The following CLDN14 variants were observed in gnomAD, a reference collection of about 807,000 sequenced individuals.
The protein encoded by CLDN14 is claudin 14, also known as claudin-14.
A neutral mutation model predicts 2.1 loss-of-function variants in CLDN14; 2 were observed. The ratio of observed to expected loss-of-function variants is 0.96; its 90% CI spans 0.39 to 3.01. The LOEUF is 3.01. CLDN14 is among the 30% of genes most tolerant of loss of function. CLDN14 has a pLI of 0.09. For missense variants in CLDN14, 298 were observed against 328.0 expected, an observed-to-expected ratio of 0.91 and a Z score of 0.71; for synonymous variants, 136 against 154.4, an observed-to-expected ratio of 0.88 and a Z score of 0.88.
intron 1 of CLDN14, among the ~76,000 whole-genome samples, chr21:36,511,539 T>A (rs1031282170): frequency 2.0e-5 from 3 of 152,146 alleles, no homozygotes; most frequent in Admixed American, 6.5e-5. Context: ...CTAATTTCAG[T>A]CTCATTCCTA....
intron 2 of CLDN14, among the ~76,000 whole-genome samples, chr21:36,492,440 C>CTCAAA (rs2086977036): frequency 1.5e-5 from 1 of 67,930 alleles, no homozygotes; most frequent in African/African-American, 6.7e-5. Flanking sequence ...GACTCCGTCC[C>CTCAAA]AAAAAAAAAA....
intron 2 of CLDN14, among the ~76,000 whole-genome samples, chr21:36,489,158 GGAGA>G (rs369533067): frequency 1.5e-4 from 12 of 80,212 alleles, no homozygotes; most frequent in Non-Finnish European, 2.1e-4. Flanking sequence ...ATATATATAT[GGAGA>G]GAGAGAGAGA....
intron 1 of CLDN14, among the ~76,000 whole-genome samples, chr21:36,535,072 T>C (rs746550147): frequency 2.0e-5 from 3 of 152,196 alleles, no homozygotes; most frequent in Non-Finnish European, 4.4e-5. Flanking sequence ...ATTGATTCAA[T>C]AGAAAATCAT....
intron 2 of CLDN14, among the ~76,000 whole-genome samples, chr21:36,506,148 A>G (rs1037979801): frequency 1.3e-5 from 2 of 152,284 alleles, no homozygotes; most frequent in South Asian, 2.1e-4. Context: ...GAGATTAGTT[A>G]CATAACTACG....
Position 36,544,034 on chromosome 21 carries a change from G to T in CLDN14, c.-220+32377C>A, listed in dbSNP as rs2087510668. ...CTGTGTCATGGATTCAACCGTCTGT[G>T]CTGAGCCGCACCTGCACTGGCTGAA... On this transcript the variant is annotated intron_variant, in intron 1 of 2. Coordinates refer to the CLDN14 transcript ENST00000342108. The surrounding 1 kb of genome is among the most constrained non-coding windows in gnomAD (Gnocchi z 4.1). Among the ~76,000 whole-genome samples the T allele has an allele frequency of 6.6e-6, 1 of 152,352 alleles. No individual in the cohort carries two copies. Among genetic ancestry groups the T allele is most frequent in the South Asian group, 2.1e-4 (1 of 4,828 alleles).
chr21:36,538,882 A>G (rs2087454844), intron 1 of CLDN14, among the ~76,000 whole-genome samples: 1 of 152,140 alleles, frequency 6.6e-6, no homozygotes, highest in African/African-American at 2.4e-5. Context: ...GCATAGGGAG[A>G]CCTGTACGAG....
At chr21:36,566,420 T>C (rs1306122063) in intron 1 of CLDN14, among the ~76,000 whole-genome samples, 1 of 152,210 alleles carries the variant, frequency 6.6e-6, no homozygotes, top group Non-Finnish European at 1.5e-5. Flanking sequence ...CCCAGCCCTA[T>C]GAATGCAAAT....
chr21:36,471,382 G>A (rs909506854), intron 1 of CLDN14, among the ~76,000 whole-genome samples: 3 of 152,216 alleles, frequency 2.0e-5, no homozygotes, highest in African/African-American at 7.2e-5. Context: ...AAGCCATATA[G>A]TAATCAAATG....
At chr21:36,482,310 G>C (rs995060437), upstream of CLDN14, among the ~76,000 whole-genome samples, 1 of 151,762 alleles carries the variant, frequency 6.6e-6, no homozygotes, top group African/African-American at 2.4e-5. Context: ...TATGATGGAA[G>C]TTAGTCAATG....
chr21:36,474,993 C>A (rs542235689), intron 1 of CLDN14, among the ~76,000 whole-genome samples: 1 of 152,082 alleles, frequency 6.6e-6, no homozygotes, highest in Non-Finnish European at 1.5e-5. Flanking sequence ...GGAGGAGGTG[C>A]GGGAGGCTTG....
chr21:36,480,749 C>T (rs1025948601), upstream of CLDN14: 3 of 152,140 alleles, frequency 2.0e-5, no homozygotes, highest in African/African-American at 7.2e-5. Context: ...GCCCCTTCGT[C>T]ACTGAGCACA....
At chr21:36,492,855 G>A (rs978318698) in intron 2 of CLDN14, among the ~76,000 whole-genome samples, 3 of 152,300 alleles carry the variant, frequency 2.0e-5, no homozygotes, top group South Asian at 2.1e-4. Flanking sequence ...TCAGAGGGTC[G>A]TGGCCCTGCA....
At chr21:36,469,437 G>A (rs1224381027) in intron 1 of CLDN14, among the ~76,000 whole-genome samples, 1 of 152,112 alleles carries the variant, frequency 6.6e-6, no homozygotes, top group Non-Finnish European at 1.5e-5. Context: ...AGGCAGAGAC[G>A]GGATACTTAC....
chr21:36,560,347 A>G (rs2087625635), intron 1 of CLDN14, among the ~76,000 whole-genome samples: 1 of 152,132 alleles, frequency 6.6e-6, no homozygotes, highest in Non-Finnish European at 1.5e-5. Flanking sequence ...TGGTCCCTTA[A>G]CTATATTTGG....
intron 1 of CLDN14, among the ~76,000 whole-genome samples, chr21:36,520,457 G>T (rs2087261340): frequency 6.6e-6 from 1 of 152,166 alleles, no homozygotes; most frequent in Non-Finnish European, 1.5e-5. Flanking sequence ...TGTTCTCGTG[G>T]TAGTAAATAA....
chr21:36,524,289 T>C (rs922651395), intron 1 of CLDN14, among the ~76,000 whole-genome samples: 1 of 152,126 alleles, frequency 6.6e-6, no homozygotes, highest in African/African-American at 2.4e-5. Flanking sequence ...CTGGCTCATT[T>C]ATTTTAATTT....
intron 1 of CLDN14, among the ~76,000 whole-genome samples, chr21:36,547,203 G>A (rs1490120147): frequency 2.6e-5 from 4 of 152,152 alleles, no homozygotes; most frequent in Non-Finnish European, 4.4e-5. Context: ...GGGTATTCAT[G>A]GTATACACGC....
At chr21:36,536,638 C>T (rs867228693) in intron 1 of CLDN14, among the ~76,000 whole-genome samples, 1 of 152,132 alleles carries the variant, frequency 6.6e-6, no homozygotes, top group Non-Finnish European at 1.5e-5. Flanking sequence ...TGAAATTTTG[C>T]GTTTAGTTAT....
intron 1 of CLDN14, among the ~76,000 whole-genome samples, chr21:36,565,643 C>T (rs1451909136): frequency 6.6e-6 from 1 of 152,192 alleles, no homozygotes; most frequent in African/African-American, 2.4e-5. Context: ...GGGCTCCAGC[C>T]AACTCTGAAC....
Sources: gnomAD v4.1 joint callset for allele counts (sites outside exome capture counted in the v4.1 genomes callset) on GRCh38, gnomAD v4.1.1 for gene constraint, Gnocchi (gnomAD v3.1) non-coding constraint, MANE v1.5 for transcripts, NCBI Gene and HGNC (gene_info 2026-07-23, HGNC 2026-07-21) for gene names.